Variants in STOX2 observed in about 807,000 individuals in gnomAD.
The protein encoded by STOX2 is storkhead-box protein 2.
STOX2 carries 28 observed loss-of-function variants against 60.9 expected under a neutral mutation model. The observed-to-expected ratio is 0.46, with a 90% CI of 0.34 to 0.63. The LOEUF (loss-of-function observed/expected upper bound fraction) is 0.63. Among genes scored for constraint, STOX2 ranks in the 30% least tolerant of loss-of-function variants. STOX2 has a pLI of 0.01. For synonymous variants in STOX2, 472 were observed against 463.9 expected (o/e 1.02, Z -0.22); for missense variants, 1,024 against 1,187.7 (o/e 0.86, Z 2.03).
intron 1 of STOX2, among the ~76,000 whole-genome samples, chr4:183,964,909 C>T (rs1216989377): frequency 6.6e-6 from 1 of 152,078 alleles, no homozygotes; most frequent in African/African-American, 2.4e-5. Context: ...TACATTGAAA[C>T]GTTATGAAAA....
intron 1 of STOX2, among the ~76,000 whole-genome samples, chr4:183,980,143 C>T (rs1406351485): frequency 6.6e-6 from 1 of 152,040 alleles, no homozygotes; most frequent in Non-Finnish European, 1.5e-5. Flanking sequence ...TACTTTTTTA[C>T]ATCAGGATTT....
At chr4:183,887,008 C>T (rs980952898) in intron 1 of STOX2, among the ~76,000 whole-genome samples, 6 of 152,082 alleles carry the variant, frequency 3.9e-5, no homozygotes, top group Non-Finnish European at 8.8e-5. Flanking sequence ...CCTGTAATCC[C>T]AGAACTTTGG....
rs545584318 is a variant in STOX2, at chr4:183,845,774, C to G, written c.364+47719C>G. On this transcript the variant is annotated intron_variant, in intron 1 of 2. Transcript: ENST00000513034. ...AAGTTACATCTTTATACGATGTGTT[C>G]CCATTGACATAGATTTGTAACTTTT... Among the ~76,000 whole-genome samples the G allele has an allele frequency of 9.2e-5, 14 of 152,280 alleles. No homozygotes were observed. The South Asian group carries it at 2.9e-3, about 32-fold the overall frequency.
intron 1 of STOX2, among the ~76,000 whole-genome samples, chr4:183,814,927 G>C (rs889543550): frequency 1.3e-5 from 2 of 152,102 alleles, no homozygotes; most frequent in African/African-American, 4.8e-5. Flanking sequence ...TGAGTATAAA[G>C]ATTTAGTAAA....
chr4:183,818,744 T>C (rs904428681), intron 1 of STOX2, among the ~76,000 whole-genome samples: 1 of 149,786 alleles, frequency 6.7e-6, no homozygotes, highest in Non-Finnish European at 1.5e-5. Context: ...ACCTCCCTCC[T>C]GGACAGGGCG....
intron 1 of STOX2, among the ~76,000 whole-genome samples, chr4:183,992,576 G>A (rs530552736): frequency 2.6e-5 from 4 of 152,358 alleles, no homozygotes; most frequent in South Asian, 2.1e-4. Context: ...AAAGGAAGAC[G>A]TCATGTTCCT....
rs376665992 is a variant in STOX2 at position 184,001,482 on chromosome 4, C to T, written c.319+5C>T. 2.8e-5 allele frequency: 45 copies of T among 1,613,268 alleles called. No homozygotes were observed. The highest frequency in any genetic ancestry group is 4.0e-5 in the African/African-American group (3 of 74,862). Reference sequence around the variant, plus strand: ...ACCTGACCACGTGCTTCCCAGGTAACGAGGCGGGAACGTAGCACTTTCCAG... The same window carrying T: ...ACCTGACCACGTGCTTCCCAGGTAATGAGGCGGGAACGTAGCACTTTCCAG... On this transcript the variant is annotated splice_donor_5th_base_variant and intron_variant, in intron 2 of 3. Transcript: ENST00000308497. The surrounding 1 kb of genome is among the most constrained non-coding windows in gnomAD (Gnocchi z 4.2).
chr4:183,916,322 A>G (rs1276670475), intron 1 of STOX2, among the ~76,000 whole-genome samples: 1 of 152,182 alleles, frequency 6.6e-6, no homozygotes, highest in Non-Finnish European at 1.5e-5. Flanking sequence ...ATTTTACTCT[A>G]TCCTTTTGCC....
Position 184,010,926 on chromosome 4 carries a change from G to C in STOX2, c.2088G>C (p.Glu696Asp). ...AEPSSLDKRK[E>D]IFSKDTLFKP... The stretch of plus-strand genomic sequence containing the variant: ...CCAGCAGCTTGGACAAGAGGAAAGA[G>C]ATATTTAGCAAAGACACACTGTTCA... Residue 696 changes from glutamate (E) to aspartate (D), a missense_variant, in exon 3 of 4, where the codon GAG becomes GAC. By Grantham distance (45) the Glu-to-Asp change is conservative. Transcript: ENST00000308497. The surrounding 1 kb of genome is among the most constrained non-coding windows in gnomAD (Gnocchi z 4.5). 2 of 1,613,464 alleles carry C rather than the reference G, an allele frequency of 1.2e-6. No individual in the cohort carries two copies. The highest frequency in any genetic ancestry group is 1.7e-6 in the Non-Finnish European group (2 of 1,179,640).
chr4:183,874,984 TATATATATAA>T (rs1207723564), intron 1 of STOX2, among the ~76,000 whole-genome samples: 1 of 86,568 alleles, frequency 1.2e-5, no homozygotes, highest in African/African-American at 5.3e-5. Flanking sequence ...TATATATATA[TATATATATAA>T]AACTTAGAAT....
chr4:183,881,603 A>G (rs56248516), intron 1 of STOX2, among the ~76,000 whole-genome samples: 21,197 of 152,262 alleles, frequency 0.14, 1,852 homozygotes, highest in African/African-American at 0.24. Flanking sequence ...TCTTCTGAGA[A>G]CTAGAATTCA....
At position 183,912,692 on chromosome 4, in the gene STOX2, G is replaced by A. The variant is rs1422350996; in HGVS notation, c.166+5736G>A. 5.9e-5 allele frequency among the ~76,000 whole-genome samples: 9 copies of A among 152,206 alleles called. No individual in the cohort carries two copies. The East Asian group carries it at 1.2e-3, about 20-fold the overall frequency. ...GAGTTTACAACCCATGTGTGTCTCC[G>A]GTCTGGATGGTGAAATCCTCACTGA... On this transcript the variant is annotated intron_variant, in intron 1 of 3. Coordinates refer to ENST00000308497, the MANE Select transcript of STOX2 (RefSeq NM_020225.3).
chr4:183,886,579 T>G (rs1021466726), intron 1 of STOX2, among the ~76,000 whole-genome samples: 1 of 152,206 alleles, frequency 6.6e-6, no homozygotes, highest in African/African-American at 2.4e-5. Flanking sequence ...CCTGGCACTC[T>G]GTTCCAGCAC....
At chr4:183,948,218 C>CAAAAAAAAAA (rs760286920) in intron 1 of STOX2, among the ~76,000 whole-genome samples, 8 of 29,872 alleles carry the variant, frequency 2.7e-4, no homozygotes, top group Non-Finnish European at 3.3e-4. Context: ...AACTCCATCT[C>CAAAAAAAAAA]AAAAAAAAAA....
In STOX2 at chr4:184,011,544, A is replaced by T; in HGVS notation, c.2585+121A>T. On this transcript the variant is annotated intron_variant, in intron 3 of 3. Transcript: ENST00000308497. The surrounding 1 kb of genome is among the most constrained non-coding windows in gnomAD (Gnocchi z 4.4). ...TCTATGGATGAGGGTTAAGAGTTGT[A>T]TGAGTTGTATTGTTAACAATCTGTT... 1 of 1,563,662 alleles carries T rather than the reference A, an allele frequency of 6.4e-7. No homozygotes were observed. Among genetic ancestry groups the T allele is most frequent in the Non-Finnish European group, 8.7e-7 (1 of 1,155,784 alleles).
intron 1 of STOX2, among the ~76,000 whole-genome samples, chr4:183,977,026 T>G (rs1393501452): frequency 6.6e-6 from 1 of 152,224 alleles, no homozygotes; most frequent in Non-Finnish European, 1.5e-5. Flanking sequence ...AGTTCAGTAG[T>G]TTCTTAAAAT....
At chr4:183,898,707 A>G (rs1741395585) in intron 1 of STOX2, among the ~76,000 whole-genome samples, 1 of 152,166 alleles carries the variant, frequency 6.6e-6, no homozygotes, top group Non-Finnish European at 1.5e-5. Flanking sequence ...GTAGAGAGTG[A>G]CAATGAAAAT....
chr4:183,989,295 C>A (rs758589981), intron 1 of STOX2, among the ~76,000 whole-genome samples: 3 of 150,882 alleles, frequency 2.0e-5, no homozygotes, highest in Non-Finnish European at 2.9e-5. Flanking sequence ...CTCCGCTTCC[C>A]GGGTTCAAGC....
chr4:183,867,968 G>A (rs1008350976), intron 1 of STOX2, among the ~76,000 whole-genome samples: 4 of 152,182 alleles, frequency 2.6e-5, no homozygotes, highest in Non-Finnish European at 5.9e-5. Flanking sequence ...TTTTATTCCT[G>A]TAGTGTAAAA....
Sources: allele counts gnomAD v4.1 joint callset (sites outside exome capture counted in the v4.1 genomes callset), GRCh38; gene constraint gnomAD v4.1.1; non-coding constraint Gnocchi (gnomAD v3.1); transcripts MANE v1.5; gene names NCBI Gene and HGNC (gene_info 2026-07-23, HGNC 2026-07-21).